RBFOX1: variants seen among roughly 807,000 people sequenced by gnomAD.
RBFOX1 encodes RNA binding fox-1 homolog 1.
Under a neutral mutation model 57.7 loss-of-function variants are expected in RBFOX1, and 8 were observed. The observed-to-expected ratio is 0.14, with a 90% CI of 0.08 to 0.25. The LOEUF (loss-of-function observed/expected upper bound fraction) is 0.25, where lower values mean the gene tolerates loss of function less well. Among genes scored for constraint, RBFOX1 ranks in the 10% least tolerant of loss-of-function variants. RBFOX1 has a pLI of 1.00. For synonymous variants in RBFOX1, 326 were observed against 222.4 expected, an observed-to-expected ratio of 1.47 and a Z score of -4.15; for missense variants, 611 against 548.5, an observed-to-expected ratio of 1.11 and a Z score of -1.14.
chr16:7,101,165 A>C (rs367555921), intron 4 of RBFOX1, among the ~76,000 whole-genome samples: 2 of 152,312 alleles, frequency 1.3e-5, no homozygotes, highest in African/African-American at 4.8e-5. Flanking sequence ...TAATTTAGTC[A>C]GAGCTATGCA....
At chr16:5,867,785 C>T (rs913098548) in intron 4 of RBFOX1, among the ~76,000 whole-genome samples, 2 of 152,054 alleles carry the variant, frequency 1.3e-5, no homozygotes, top group Non-Finnish European at 2.9e-5. Context: ...GATGTCGGCT[C>T]ACTGCAACCT....
intron 2 of RBFOX1, among the ~76,000 whole-genome samples, chr16:6,449,864 G>GA (rs1329403236): frequency 6.6e-6 from 1 of 152,186 alleles, no homozygotes; most frequent in East Asian, 1.9e-4. Flanking sequence ...GTGGATATGA[G>GA]AGGCAGTATT....
At chr16:6,671,604 C>A (rs918095010) in intron 3 of RBFOX1, among the ~76,000 whole-genome samples, 1 of 152,132 alleles carries the variant, frequency 6.6e-6, no homozygotes. Flanking sequence ...GTTTTCTATC[C>A]CTCACCTGCT....
intron 4 of RBFOX1, among the ~76,000 whole-genome samples, chr16:7,510,821 G>T (rs1373862913): frequency 1.3e-5 from 2 of 152,156 alleles, no homozygotes; most frequent in Non-Finnish European, 2.9e-5. Context: ...GCTGGTGGGG[G>T]GTCCCACTGC....
At chr16:7,156,875 G>C (rs1405813177) in intron 4 of RBFOX1, among the ~76,000 whole-genome samples, 1 of 151,902 alleles carries the variant, frequency 6.6e-6, no homozygotes, top group Admixed American at 6.6e-5. Flanking sequence ...CATAGATATT[G>C]CTAATATTTG....
At chr16:5,702,841 G>A (rs564933942) in intron 3 of RBFOX1, among the ~76,000 whole-genome samples, 47 of 152,276 alleles carry the variant, frequency 3.1e-4, no homozygotes, top group African/African-American at 1.1e-3. Flanking sequence ...CATGTTTTTA[G>A]ATAACACCCT....
chr16:7,523,227 C>G (rs2077914754), intron 5 of RBFOX1, among the ~76,000 whole-genome samples: 1 of 152,152 alleles, frequency 6.6e-6, no homozygotes, highest in South Asian at 2.1e-4. Flanking sequence ...GTTTATTTCT[C>G]CATTTACCTA....
intron 9 of RBFOX1, among the ~76,000 whole-genome samples, chr16:7,597,799 C>A (rs1486118398): frequency 6.6e-6 from 1 of 152,236 alleles, no homozygotes; most frequent in African/African-American, 2.4e-5. Flanking sequence ...GATTACTAAT[C>A]ATTCCTGGAC....
At chr16:6,006,167 A>G (rs773305675) in intron 4 of RBFOX1, among the ~76,000 whole-genome samples, 12 of 152,222 alleles carry the variant, frequency 7.9e-5, no homozygotes, top group Non-Finnish European at 1.6e-4. Flanking sequence ...TGCTGGTAAT[A>G]GCACCCGGTT....
chr16:6,536,178 C>T (rs1034564766), intron 2 of RBFOX1, among the ~76,000 whole-genome samples: 3 of 152,168 alleles, frequency 2.0e-5, no homozygotes, highest in Admixed American at 6.5e-5. Context: ...CTACAGTCTA[C>T]CTCTTGTATA....
chr16:6,561,782 G>T (rs1466091575), intron 2 of RBFOX1, among the ~76,000 whole-genome samples: 1 of 152,094 alleles, frequency 6.6e-6, no homozygotes, highest in African/African-American at 2.4e-5. Context: ...AGTGATTAGT[G>T]GACAGATTTC....
chr16:7,435,764 C>T (rs1268248411), intron 4 of RBFOX1, among the ~76,000 whole-genome samples: 1 of 152,188 alleles, frequency 6.6e-6, no homozygotes, highest in Non-Finnish European at 1.5e-5. Flanking sequence ...AGAGCTTCAT[C>T]ATCCAGGCAA....
At chr16:6,532,799 G>C (rs953975822) in intron 2 of RBFOX1, among the ~76,000 whole-genome samples, 5 of 152,094 alleles carry the variant, frequency 3.3e-5, no homozygotes, top group Non-Finnish European at 7.4e-5. Flanking sequence ...CCGTCTCTCT[G>C]TGCTCCTAGC....
At chr16:5,808,587 T>C (rs1236736520) in intron 3 of RBFOX1, among the ~76,000 whole-genome samples, 2 of 152,324 alleles carry the variant, frequency 1.3e-5, no homozygotes, top group East Asian at 1.9e-4. Flanking sequence ...TATCCTCTTT[T>C]ATTTCATTGA....
chr16:6,823,747 G>C lies in RBFOX1; in HGVS notation c.-16+169097G>C, dbSNP rs376880698. On this transcript the variant is annotated intron_variant, in intron 3 of 15. Coordinates refer to ENST00000550418, the MANE Select transcript of RBFOX1 (RefSeq NM_018723.4). The stretch of plus-strand genomic sequence containing the variant: ...TTTACCACCAATTGAAATTTTGAAT[G>C]TTAAATATCAGCCACTGTTCTAGTT... Among the ~76,000 whole-genome samples, 15 of 152,210 alleles carry C rather than the reference G, an allele frequency of 9.9e-5. 1 individual carries two copies. The East Asian group carries it at 2.7e-3, about 27-fold the overall frequency.
intron 3 of RBFOX1, among the ~76,000 whole-genome samples, chr16:5,652,959 C>T (rs2049288559): frequency 6.6e-6 from 1 of 152,204 alleles, no homozygotes; most frequent in Non-Finnish European, 1.5e-5. Flanking sequence ...GTCTCTGCTG[C>T]ACCCTGTGCA....
At chr16:6,337,783 A>G (rs1005053218) in intron 2 of RBFOX1, among the ~76,000 whole-genome samples, 1 of 152,226 alleles carries the variant, frequency 6.6e-6, no homozygotes, top group South Asian at 2.1e-4. Context: ...AATCATAAGA[A>G]AATTTTTCCA....
At chr16:7,143,749 A>C (rs566200611) in intron 4 of RBFOX1, among the ~76,000 whole-genome samples, 1 of 152,224 alleles carries the variant, frequency 6.6e-6, no homozygotes, top group Admixed American at 6.5e-5. Context: ...TTATTGGTTC[A>C]TTTATACTAT....
intron 11 of RBFOX1, among the ~76,000 whole-genome samples, chr16:7,653,529 T>C (rs2065572721): frequency 6.6e-6 from 1 of 152,168 alleles, no homozygotes; most frequent in East Asian, 1.9e-4. Context: ...AATTAAATAC[T>C]CATGCAGTGA....
Sources: gnomAD v4.1 joint callset for allele counts (sites outside exome capture counted in the v4.1 genomes callset) on GRCh38, gnomAD v4.1.1 for gene constraint, MANE v1.5 for transcripts, NCBI Gene and HGNC (gene_info 2026-07-23, HGNC 2026-07-21) for gene names.